The following TP73 variants were observed in gnomAD, a reference collection of about 807,000 sequenced individuals.
TP73 encodes the protein tumor protein p73.
Under a neutral mutation model 62.5 loss-of-function variants are expected in TP73, and 25 were observed. That is an observed-to-expected ratio of 0.40 (90% confidence interval 0.29 to 0.56). The LOEUF (loss-of-function observed/expected upper bound fraction) is 0.56, where lower values mean the gene tolerates loss of function less well. TP73 is among the 20% of genes least tolerant of loss of function. The pLI is 0.46. For synonymous variants in TP73, 423 were observed against 377.5 expected, an observed-to-expected ratio of 1.12 and a Z score of -1.40; for missense variants, 754 against 913.3, an observed-to-expected ratio of 0.83 and a Z score of 2.25.
intron 9 of TP73, among the ~76,000 whole-genome samples, chr1:3,728,977 G>A (rs1250728294): frequency 6.9e-6 from 1 of 145,652 alleles, no homozygotes; most frequent in Non-Finnish European, 1.5e-5. Context: ...GACAGAGCAA[G>A]ACGCTGTCGA....
chr1:3,706,904 G>T (rs1403744810), intron 3 of TP73, among the ~76,000 whole-genome samples: 1 of 152,180 alleles, frequency 6.6e-6, no homozygotes, highest in Non-Finnish European at 1.5e-5. Context: ...CGGCCCCTGA[G>T]CGTGGAGCGG....
chr1:3,705,417 G>A (rs1420670632), intron 3 of TP73, among the ~76,000 whole-genome samples: 2 of 152,384 alleles, frequency 1.3e-5, no homozygotes, highest in Non-Finnish European at 2.9e-5. Context: ...CGGAGAGGTG[G>A]GCAGGGCCCG....
At chr1:3,731,744 C>T (rs1178459784) in intron 13 of TP73, among the ~76,000 whole-genome samples, 188 bp downstream of exon 13, 1 of 152,216 alleles carries the variant, frequency 6.6e-6, no homozygotes, top group African/African-American at 2.4e-5. Context: ...TGGCTGGTGG[C>T]GCGGGACACA....
chr1:3,701,332 C>T lies in TP73; in HGVS notation c.187-6217C>T, dbSNP rs1639151688. 6.6e-6 allele frequency among the ~76,000 whole-genome samples: 1 copy of T among 152,150 alleles called. No homozygotes were observed. Among genetic ancestry groups the T allele is most frequent in the Non-Finnish European group, 1.5e-5 (1 of 68,026 alleles). Reference sequence around the variant, plus strand: ...CGGAGCCTGCCCAGCCGTCGTTCCTCCTGGCTGGGTTTTTGTGCCAAGGCG... The same window carrying T: ...CGGAGCCTGCCCAGCCGTCGTTCCTTCTGGCTGGGTTTTTGTGCCAAGGCG... On this transcript the variant is annotated intron_variant, in intron 3 of 13. Transcript: ENST00000378295. The surrounding 1 kb of genome is among the most constrained non-coding windows in gnomAD (Gnocchi z 4.7).
chr1:3,718,803 G>T (rs1028871112), intron 4 of TP73, among the ~76,000 whole-genome samples: 1 of 152,188 alleles, frequency 6.6e-6, no homozygotes, highest in Non-Finnish European at 1.5e-5. Flanking sequence ...TGGCACTAGG[G>T]TGGAAGAAGC....
intron 1 of TP73, among the ~76,000 whole-genome samples, chr1:3,673,610 G>A (rs777017514): frequency 2.0e-5 from 3 of 152,252 alleles, no homozygotes; most frequent in Admixed American, 1.3e-4. Flanking sequence ...GGTGGGCTGC[G>A]TGGGCAGAGC....
rs1426659291 is a variant in TP73 at position 3,701,150 on chromosome 1, G to C, written c.187-6399G>C. Among the ~76,000 whole-genome samples, 1 of 152,180 alleles carries C rather than the reference G, an allele frequency of 6.6e-6. No individual in the cohort carries two copies. The highest frequency in any genetic ancestry group is 2.4e-5 in the African/African-American group (1 of 41,452). On this transcript the variant is annotated intron_variant, in intron 3 of 13. Transcript: ENST00000378295. The surrounding 1 kb of genome is among the most constrained non-coding windows in gnomAD (Gnocchi z 4.7). ...CCAAGAGTTTCTGAGCGTCCTGTCG[G>C]TACTGGCTATCTGGACACCTCGGGG...
In TP73 at chr1:3,722,095, G is replaced by T; in HGVS notation, c.504G>T (p.Pro168=). The change falls in exon 5 of 14, where the codon CCG becomes CCT. Residue 168 remains proline (P), a synonymous_variant. Coordinates refer to ENST00000378295, the MANE Select transcript of TP73 (RefSeq NM_005427.4). ...CCATCCAGATCAAGGTGTCCACCCC[G>T]CCACCCCCAGGCACCGCCATCCGGG... The part of the protein sequence containing the change: ...TCPIQIKVST[P]PPPGTAIRAM... 6.2e-7 allele frequency: 1 copy of T among 1,612,782 alleles called. No homozygotes were observed. Among genetic ancestry groups the T allele is most frequent in the Non-Finnish European group, 8.5e-7 (1 of 1,179,752 alleles).
At chr1:3,695,085 C>T (rs1638511977) in intron 3 of TP73, among the ~76,000 whole-genome samples, 1 of 152,264 alleles carries the variant, frequency 6.6e-6, no homozygotes, top group Admixed American at 6.5e-5. Context: ...AGGCCACGTT[C>T]TGAGTCTGCG....
At chr1:3,659,932 G>A (rs924222504) in intron 1 of TP73, among the ~76,000 whole-genome samples, 8 of 152,014 alleles carry the variant, frequency 5.3e-5, no homozygotes, top group Non-Finnish European at 1.0e-4. Context: ...CACCCACTTC[G>A]GCCTCCCAAA....
rs563034094 is a variant in TP73, at chr1:3,687,615, G to A, written c.186+4435G>A. On this transcript the variant is annotated intron_variant, in intron 3 of 13. Coordinates refer to ENST00000378295, the MANE Select transcript of TP73 (RefSeq NM_005427.4). ...GCTGGCTCTCAGGATGCTCCACAAG[G>A]AGGGAGGACACAGGAGGGGAGAAAA... 2.3e-4 allele frequency among the ~76,000 whole-genome samples: 35 copies of A among 152,298 alleles called. 1 individual carries two copies. The South Asian group carries it at 6.8e-3, about 30-fold the overall frequency.
At chr1:3,661,255 T>C (rs1189541685) in intron 1 of TP73, among the ~76,000 whole-genome samples, 1 of 152,202 alleles carries the variant, frequency 6.6e-6, no homozygotes, top group African/African-American at 2.4e-5. Context: ...AGACTTAATT[T>C]AGAGTGTGTG....
At chr1:3,726,395 G>GTGGA (rs1553146527) in intron 6 of TP73, among the ~76,000 whole-genome samples, 3 of 91,092 alleles carry the variant, frequency 3.3e-5, no homozygotes, top group African/African-American at 8.9e-5. Context: ...AAATGGGGGA[G>GTGGA]TGGATGGATG....
chr1:3,664,169 C>T (rs550581934), intron 1 of TP73, among the ~76,000 whole-genome samples: 7 of 152,354 alleles, frequency 4.6e-5, no homozygotes, highest in East Asian at 1.9e-4. Context: ...CTGGGCATCG[C>T]GACTCCTACC....
At chr1:3,727,282 G>C in intron 7 of TP73, 58 bp downstream of exon 7, 1 of 1,501,494 alleles carries the variant, frequency 6.7e-7, no homozygotes, top group Non-Finnish European at 9.2e-7. Context: ...ACGGCCGGGG[G>C]AGAAGGGGAG....
Position 3,655,767 on chromosome 1 carries a change from G to A in TP73, c.-34+3126G>A, listed in dbSNP as rs142193844. ...CACTTGTAGCTGGCAACATCCACTC[G>A]TGTATAATGAAAACACACAATGGCT... On this transcript the variant is annotated intron_variant, in intron 1 of 13. Transcript: ENST00000378295. Among the ~76,000 whole-genome samples, 477 of 152,244 alleles carry A rather than the reference G, an allele frequency of 3.1e-3. 6 individuals carry two copies. Among genetic ancestry groups the A allele is most frequent in the Admixed American group, 0.02 (311 of 15,294 alleles).
At chr1:3,729,617 T>C (rs763061122) in intron 10 of TP73, 169 bp downstream of exon 10, 3 of 1,296,198 alleles carry the variant, frequency 2.3e-6, no homozygotes, top group South Asian at 2.4e-5. Flanking sequence ...GGAAGCCTTC[T>C]AGCACTTGGG....
In TP73 at chr1:3,701,304, C is replaced by T. The variant is rs999203708; in HGVS notation, c.187-6245C>T. ...AATCTGGATTCCCGTCCCTGTTCCTCGGCGGAGCCTGCCCAGCCGTCGTTC... is the reference window on the plus strand; with the variant it reads ...AATCTGGATTCCCGTCCCTGTTCCTTGGCGGAGCCTGCCCAGCCGTCGTTC... On this transcript the variant is annotated intron_variant, in intron 3 of 13. Transcript: ENST00000378295. This position sits in a 1 kb window ranked among gnomAD's most constrained non-coding sequence, Gnocchi z 4.7. 2.0e-5 allele frequency among the ~76,000 whole-genome samples: 3 copies of T among 152,096 alleles called. No individual in the cohort carries two copies. Among genetic ancestry groups the T allele is most frequent in the Non-Finnish European group, 2.9e-5 (2 of 68,016 alleles).
rs1163754969 is a variant in TP73 at position 3,670,515 on chromosome 1, T to G, written c.-33-11818T>G. Among the ~76,000 whole-genome samples, 1 of 151,610 alleles carries G rather than the reference T, an allele frequency of 6.6e-6. No individual in the cohort carries two copies. Among genetic ancestry groups the G allele is most frequent in the Non-Finnish European group, 1.5e-5 (1 of 67,888 alleles). ...CCTGTCTCTACTAAAAATACAAAAA[T>G]TAGCTGGGCGTGGTGGCGCACACAG... On this transcript the variant is annotated intron_variant, in intron 1 of 13. Coordinates refer to ENST00000378295, the MANE Select transcript of TP73 (RefSeq NM_005427.4). This position sits in a 1 kb window ranked among gnomAD's most constrained non-coding sequence, Gnocchi z 5.9.
Sources: allele counts gnomAD v4.1 joint callset (sites outside exome capture counted in the v4.1 genomes callset), GRCh38; gene constraint gnomAD v4.1.1; non-coding constraint Gnocchi (gnomAD v3.1); transcripts MANE v1.5; gene names NCBI Gene and HGNC (gene_info 2026-07-23, HGNC 2026-07-21).